Variants in EPHB1 observed in about 807,000 individuals in gnomAD.
EPHB1 encodes the protein EPH receptor B1.
A neutral mutation model predicts 94.4 loss-of-function variants in EPHB1; 30 were observed. That is an observed-to-expected ratio of 0.32 (90% CI 0.24 to 0.43). The LOEUF is 0.43. Ranked by LOEUF, EPHB1 falls within the 20% of genes least tolerant of loss-of-function variation. EPHB1 has a pLI of 1.00. For synonymous variants in EPHB1, 522 were observed against 489.1 expected, an observed-to-expected ratio of 1.07 and a Z score of -0.89; for missense variants, 1,055 against 1,308.3, an observed-to-expected ratio of 0.81 and a Z score of 2.99.
chr3:134,999,184 G>A (rs972097805), intron 3 of EPHB1, among the ~76,000 whole-genome samples: 2 of 152,164 alleles, frequency 1.3e-5, no homozygotes, highest in African/African-American at 2.4e-5. Context: ...TGAGAAAGTG[G>A]AAGCAGTTAG....
In EPHB1 at chr3:135,069,326, A is replaced by G. The variant is rs1479136138; in HGVS notation, c.806-37122A>G. ...AGGCACATGGGTCACCAGTTTTGCA[A>G]GTTCTGAGCAGGGGATTTCATAGTG... On this transcript the variant is annotated intron_variant, in intron 3 of 15. Transcript: ENST00000398015. 2.0e-5 allele frequency among the ~76,000 whole-genome samples: 3 copies of G among 152,076 alleles called. No homozygotes were observed. The East Asian group carries it at 5.8e-4, about 29-fold the overall frequency.
intron 3 of EPHB1, among the ~76,000 whole-genome samples, chr3:135,025,560 C>A (rs1936133893): frequency 1.9e-5 from 1 of 51,662 alleles, no homozygotes; most frequent in African/African-American, 4.7e-5. Context: ...TTTATGGCTG[C>A]ATAGTATTCC....
At chr3:135,116,713 A>C (rs1242042423) in intron 4 of EPHB1, among the ~76,000 whole-genome samples, 1 of 151,990 alleles carries the variant, frequency 6.6e-6, no homozygotes, top group Non-Finnish European at 1.5e-5. Context: ...CTGTACACCC[A>C]CCTTTCGTCA....
intron 3 of EPHB1, among the ~76,000 whole-genome samples, chr3:134,996,933 T>C (rs1037647515): frequency 3.3e-5 from 5 of 152,208 alleles, no homozygotes; most frequent in African/African-American, 4.8e-5. Flanking sequence ...ACATTTTTAA[T>C]GTAGTTTGAT....
At chr3:134,922,278 T>G (rs560137431) in intron 1 of EPHB1, among the ~76,000 whole-genome samples, 1 of 152,358 alleles carries the variant, frequency 6.6e-6, no homozygotes, top group South Asian at 2.1e-4. Flanking sequence ...GTAAACCTGC[T>G]CAAATCACTT....
At chr3:135,246,730 T>C (rs1943933577) in intron 13 of EPHB1, among the ~76,000 whole-genome samples, 1 of 152,174 alleles carries the variant, frequency 6.6e-6, no homozygotes, top group Admixed American at 6.5e-5. Context: ...GAAAAAAGAT[T>C]GTCAGTGCAA....
intron 3 of EPHB1, among the ~76,000 whole-genome samples, chr3:134,963,255 A>G (rs1458169390): frequency 6.6e-6 from 1 of 152,152 alleles, no homozygotes; most frequent in Non-Finnish European, 1.5e-5. Context: ...AATTTAAAGA[A>G]AAATAATGAA....
At chr3:135,105,714 C>T (rs1365043107) in intron 3 of EPHB1, among the ~76,000 whole-genome samples, 1 of 152,194 alleles carries the variant, frequency 6.6e-6, no homozygotes, top group Non-Finnish European at 1.5e-5. Context: ...CAACCTTCCC[C>T]ACTGCCATGT....
intron 3 of EPHB1, among the ~76,000 whole-genome samples, chr3:135,000,141 G>T (rs1020569020): frequency 6.6e-6 from 1 of 152,196 alleles, no homozygotes; most frequent in Non-Finnish European, 1.5e-5. Flanking sequence ...AACTAGACTG[G>T]CTTAGCACTG....
chr3:134,890,425 C>T (rs936010249), intron 1 of EPHB1, among the ~76,000 whole-genome samples: 1 of 152,174 alleles, frequency 6.6e-6, no homozygotes, highest in African/African-American at 2.4e-5. Flanking sequence ...TAATTTTCCT[C>T]TAGATGGGCA....
chr3:135,040,956 C>A (rs73864233), intron 3 of EPHB1, among the ~76,000 whole-genome samples: 5,413 of 152,214 alleles, frequency 0.036, 302 homozygotes, highest in African/African-American at 0.12. Flanking sequence ...GATTAGTGAG[C>A]GTCCAGCTGC....
chr3:135,052,925 GTGTGTGTATATA>G (rs1937218834), intron 3 of EPHB1, among the ~76,000 whole-genome samples: 1 of 112,986 alleles, frequency 8.9e-6, no homozygotes, highest in Non-Finnish European at 1.7e-5. Context: ...GTGTGTGTGT[GTGTGTGTATATA>G]TGTGTGTATA....
At chr3:135,193,092 G>A (rs988214086) in intron 11 of EPHB1, among the ~76,000 whole-genome samples, 3 of 152,184 alleles carry the variant, frequency 2.0e-5, no homozygotes, top group African/African-American at 7.2e-5. Context: ...ATGGCCATTG[G>A]CATCTGCATG....
At chr3:135,231,707 T>G (rs1037926409) in intron 12 of EPHB1, among the ~76,000 whole-genome samples, 3 of 152,204 alleles carry the variant, frequency 2.0e-5, no homozygotes, top group Admixed American at 6.5e-5. Context: ...TGAAAAACAT[T>G]CTATTTAGAA....
chr3:135,024,447 T>G (rs1936077937), intron 3 of EPHB1, among the ~76,000 whole-genome samples: 1 of 152,192 alleles, frequency 6.6e-6, no homozygotes, highest in African/African-American at 2.4e-5. Flanking sequence ...TAAAGCCACC[T>G]TCTTTAAAAC....
chr3:135,252,137 A>AC (rs1287629587), intron 15 of EPHB1, among the ~76,000 whole-genome samples: 1 of 148,260 alleles, frequency 6.7e-6, no homozygotes, highest in African/African-American at 2.6e-5. Context: ...GCATGCACAC[A>AC]AAAAAATTGT....
chr3:135,122,606 C>T (rs897071075), intron 4 of EPHB1, among the ~76,000 whole-genome samples: 2 of 152,116 alleles, frequency 1.3e-5, no homozygotes, highest in African/African-American at 4.8e-5. Flanking sequence ...GGGGCCTCAG[C>T]CATCCTCTAA....
At chr3:135,134,874 C>T (rs537487926) in intron 5 of EPHB1, among the ~76,000 whole-genome samples, 3 of 152,178 alleles carry the variant, frequency 2.0e-5, no homozygotes, top group South Asian at 2.1e-4. Context: ...CCACTTATAT[C>T]GGTTTGCTTT....
chr3:135,214,936 A>G (rs138704113), intron 12 of EPHB1, among the ~76,000 whole-genome samples: 46 of 152,240 alleles, frequency 3.0e-4, no homozygotes, highest in African/African-American at 1.1e-3. Context: ...GGATCACACT[A>G]TGCTTTATGA....
Sources: allele counts gnomAD v4.1 joint callset (sites outside exome capture counted in the v4.1 genomes callset), GRCh38; gene constraint gnomAD v4.1.1; transcripts MANE v1.5; gene names NCBI Gene and HGNC (gene_info 2026-07-23, HGNC 2026-07-21).